The following MTUS2 variants were observed in gnomAD, a reference collection of about 807,000 sequenced individuals.
MTUS2 encodes the protein microtubule associated scaffold protein 2, also known as microtubule-associated tumor suppressor candidate 2.
A neutral mutation model predicts 114.1 loss-of-function variants in MTUS2; 40 were observed. The ratio of observed to expected loss-of-function variants is 0.35; its 90% CI spans 0.27 to 0.46. The LOEUF (loss-of-function observed/expected upper bound fraction) is 0.46. Among genes scored for constraint, MTUS2 ranks in the 20% least tolerant of loss-of-function variants. MTUS2 has a pLI of 1.00. For synonymous variants in MTUS2, 688 were observed against 672.0 expected, an observed-to-expected ratio of 1.02 and a Z score of -0.37; for missense variants, 1,679 against 1,705.4, an observed-to-expected ratio of 0.98 and a Z score of 0.27.
chr13:28,823,500 T>TGG (rs1874051755), intron 1 of MTUS2, among the ~76,000 whole-genome samples: 29 of 152,220 alleles, frequency 1.9e-4, no homozygotes, highest in Admixed American at 1.8e-3. Flanking sequence ...ATACCTTGTC[T>TGG]ATCAATTACC....
chr13:29,071,800 T>C (rs1054659394), intron 4 of MTUS2, among the ~76,000 whole-genome samples: 2 of 152,150 alleles, frequency 1.3e-5, no homozygotes, highest in Admixed American at 1.3e-4. Context: ...TCTTTTATTA[T>C]TGAGTTGGAT....
At chr13:29,259,262 G>C (rs751365000) in intron 5 of MTUS2, among the ~76,000 whole-genome samples, 18 of 152,188 alleles carry the variant, frequency 1.2e-4, no homozygotes, top group Admixed American at 4.6e-4. Context: ...TGAAGTGTTT[G>C]CTTGTGCCTG....
chr13:29,392,127 CAAA>C (rs67050496), intron 8 of MTUS2, among the ~76,000 whole-genome samples: 1 of 118,900 alleles, frequency 8.4e-6, no homozygotes, highest in East Asian at 2.4e-4. Flanking sequence ...GACTCTGTCT[CAAA>C]AAAAAAAAAA....
intron 7 of MTUS2, among the ~76,000 whole-genome samples, chr13:29,325,424 C>T (rs1284202706): frequency 6.9e-6 from 1 of 145,470 alleles, no homozygotes; most frequent in Non-Finnish European, 1.5e-5. Context: ...CCACCACACT[C>T]CAGCCTGGGT....
intron 2 of MTUS2, among the ~76,000 whole-genome samples, chr13:28,881,747 C>A (rs532951314): frequency 6.6e-6 from 1 of 152,046 alleles, no homozygotes; most frequent in African/African-American, 2.4e-5. Context: ...AGCATTTTTT[C>A]ATGTTTGTTT....
In MTUS2 at chr13:29,079,379, G is replaced by A. The variant is rs930079594; in HGVS notation, c.2447-21394G>A. Among the ~76,000 whole-genome samples, 220 of 151,708 alleles carry A rather than the reference G, an allele frequency of 1.5e-3. 1 individual carries two copies. Among genetic ancestry groups the A allele is most frequent in the African/African-American group, 5.1e-3 (212 of 41,378 alleles). ...TTCTTAGGGTTTTTTTCTCTTTTTT[G>A]ATAGTGTCCTTTGAAGCACAAAAAC... On this transcript the variant is annotated intron_variant, in intron 4 of 15. Coordinates refer to ENST00000612955, the MANE Select transcript of MTUS2 (RefSeq NM_001033602.4).
chr13:29,271,503 G>A (rs985304224), intron 5 of MTUS2, among the ~76,000 whole-genome samples: 1 of 152,088 alleles, frequency 6.6e-6, no homozygotes, highest in Non-Finnish European at 1.5e-5. Flanking sequence ...AACCCACCTG[G>A]AGTGTCTCTG....
intron 4 of MTUS2, among the ~76,000 whole-genome samples, chr13:29,091,711 A>G (rs962865164): frequency 1.3e-5 from 2 of 152,228 alleles, no homozygotes; most frequent in African/African-American, 4.8e-5. Context: ...AGACTGAGAC[A>G]CATGCCTAGG....
At chr13:29,307,566 G>C (rs1191375003) in intron 6 of MTUS2, 43 of 1,242,582 alleles carry the variant, frequency 3.5e-5, no homozygotes, top group Non-Finnish European at 3.5e-5. Flanking sequence ...AGGTGGTAAA[G>C]CAGGTGTCAG....
intron 1 of MTUS2, among the ~76,000 whole-genome samples, chr13:28,836,111 T>TTTAAAATCTA (rs1593233663): frequency 1.3e-5 from 2 of 152,208 alleles, no homozygotes; most frequent in East Asian, 3.8e-4. Context: ...TTCTAGTACC[T>TTTAAAATCTA]GCATTTAAAA....
intron 5 of MTUS2, among the ~76,000 whole-genome samples, chr13:29,190,254 G>A (rs192343623): frequency 6.5e-4 from 99 of 152,322 alleles, no homozygotes; most frequent in African/African-American, 2.1e-3. Flanking sequence ...GGAATACTGT[G>A]TAATACCTAA....
chr13:29,452,574 ATGTGTGTGTG>A (rs56367128), intron 9 of MTUS2, among the ~76,000 whole-genome samples: 2 of 130,312 alleles, frequency 1.5e-5, no homozygotes, highest in Non-Finnish European at 1.6e-5. Flanking sequence ...ATATATATAT[ATGTGTGTGTG>A]TGTGTGTGTG....
intron 5 of MTUS2, among the ~76,000 whole-genome samples, chr13:29,281,310 A>T (rs1054585520): frequency 6.6e-6 from 1 of 152,204 alleles, no homozygotes; most frequent in Admixed American, 6.5e-5. Flanking sequence ...TATTTCAAAA[A>T]TAAAAGGCTC....
At position 29,494,658 on chromosome 13, in the gene MTUS2, C is replaced by T. The variant is rs529161652; in HGVS notation, c.3579+1939C>T. Among the ~76,000 whole-genome samples, 119 of 152,120 alleles carry T rather than the reference C, an allele frequency of 7.8e-4. 2 individuals are homozygous for T. In the South Asian group the frequency reaches 0.022, roughly 29 times the overall value. ...TGTGATGAACATTTCAGCTCATAGG[C>T]GCGCAAGCCCCCACCTGCGGCGTAC... On this transcript the variant is annotated intron_variant, in intron 12 of 15. Transcript: ENST00000612955.
chr13:29,224,020 A>G (rs553894375), intron 5 of MTUS2, among the ~76,000 whole-genome samples: 2 of 152,276 alleles, frequency 1.3e-5, no homozygotes, highest in East Asian at 3.9e-4. Flanking sequence ...GCTGGACCCC[A>G]CACTCTCTCA....
At chr13:29,007,925 C>T (rs1885670859) in intron 2 of MTUS2, among the ~76,000 whole-genome samples, 1 of 152,010 alleles carries the variant, frequency 6.6e-6, no homozygotes, top group Admixed American at 6.6e-5. Flanking sequence ...GGGTTGGTGC[C>T]CCTAACTCCC....
chr13:29,379,891 T>C (rs1366000444), intron 8 of MTUS2, among the ~76,000 whole-genome samples: 1 of 152,246 alleles, frequency 6.6e-6, no homozygotes, highest in Non-Finnish European at 1.5e-5. Context: ...AATAAAATTG[T>C]ACTTTTGAAG....
intron 4 of MTUS2, among the ~76,000 whole-genome samples, chr13:29,075,646 T>C (rs1307994191): frequency 6.6e-6 from 1 of 152,166 alleles, no homozygotes; most frequent in African/African-American, 2.4e-5. Flanking sequence ...TCCACTGAGG[T>C]TACTGAGGGA....
At chr13:29,325,194 G>T (rs919883391) in intron 7 of MTUS2, among the ~76,000 whole-genome samples, 3 of 152,110 alleles carry the variant, frequency 2.0e-5, no homozygotes, top group Non-Finnish European at 2.9e-5. Context: ...GGTGGCTCAC[G>T]CCTGTAATCC....
Sources: gnomAD v4.1 joint callset for allele counts (sites outside exome capture counted in the v4.1 genomes callset) on GRCh38, gnomAD v4.1.1 for gene constraint, MANE v1.5 for transcripts, NCBI Gene and HGNC (gene_info 2026-07-23, HGNC 2026-07-21) for gene names.